Variants in NFIB observed in about 807,000 individuals in gnomAD.
NFIB encodes the protein nuclear factor I B.
In NFIB, 11 loss-of-function variants were observed where a neutral mutation model predicts 61.5. The observed-to-expected ratio is 0.18, with a 90% CI of 0.11 to 0.30. The LOEUF (loss-of-function observed/expected upper bound fraction) is 0.30, where lower values mean the gene tolerates loss of function less well. Ranked by LOEUF, NFIB falls within the 10% of genes least tolerant of loss-of-function variation. The probability of loss-of-function intolerance (pLI) is 1.00; values close to 1 mark genes in which losing one functional copy is unlikely to be tolerated. For missense variants in NFIB, 471 were observed against 608.9 expected (o/e 0.77, Z 2.38); for synonymous variants, 260 against 216.5 (o/e 1.20, Z -1.76).
the NFIB span, among the ~76,000 whole-genome samples, chr9:14,420,534 C>T: frequency 6.8e-6 from 1 of 146,226 alleles, no homozygotes. Flanking sequence ...CAAATATTTT[C>T]ATTCCTCCCA....
intron 2 of NFIB, among the ~76,000 whole-genome samples, chr9:14,201,250 T>C (rs926280330): frequency 1.3e-5 from 2 of 152,180 alleles, no homozygotes; most frequent in Non-Finnish European, 2.9e-5. Context: ...TGGCTTCCAA[T>C]TGCTAGCTAG....
intron 4 of NFIB, among the ~76,000 whole-genome samples, chr9:14,155,205 G>A (rs1366787586): frequency 6.6e-6 from 1 of 152,154 alleles, no homozygotes; most frequent in Non-Finnish European, 1.5e-5. Context: ...AGTTAATCAA[G>A]GTAACGTCCC....
intron 2 of NFIB, among the ~76,000 whole-genome samples, chr9:14,209,475 C>T (rs1382439136): frequency 6.6e-6 from 1 of 152,196 alleles, no homozygotes; most frequent in Non-Finnish European, 1.5e-5. Context: ...AGCCTCATAA[C>T]ACATTAATAA....
chr9:14,493,802 C>G, the NFIB span, among the ~76,000 whole-genome samples: 2 of 152,184 alleles, frequency 1.3e-5, no homozygotes, highest in African/African-American at 4.8e-5. Context: ...TCCTTCCTCC[C>G]TCCTTGTTCT....
intron 2 of NFIB, among the ~76,000 whole-genome samples, chr9:14,203,686 A>C (rs2049309878): frequency 6.6e-6 from 1 of 152,216 alleles, no homozygotes; most frequent in African/African-American, 2.4e-5. Context: ...GGCAGGGTCT[A>C]AAGTCTGTCT....
chr9:14,464,358 T>C, the NFIB span, among the ~76,000 whole-genome samples: 1 of 152,128 alleles, frequency 6.6e-6, no homozygotes, highest in African/African-American at 2.4e-5. Context: ...ATGACATAGA[T>C]ATATTTTATT....
chr9:14,294,219 C>T (rs1338053151), intron 2 of NFIB, among the ~76,000 whole-genome samples: 1 of 152,142 alleles, frequency 6.6e-6, no homozygotes, highest in African/African-American at 2.4e-5. Flanking sequence ...AGCAGCTTTT[C>T]CCTTATTTGG....
intron 2 of NFIB, among the ~76,000 whole-genome samples, chr9:14,289,487 A>C (rs1475125389): frequency 2.6e-5 from 4 of 151,786 alleles, no homozygotes; most frequent in Non-Finnish European, 4.4e-5. Context: ...TTGGTATACC[A>C]ATATTTGGTA....
chr9:14,181,627 AT>A (rs921908036), intron 2 of NFIB, among the ~76,000 whole-genome samples: 54 of 152,322 alleles, frequency 3.5e-4, no homozygotes, highest in Middle Eastern at 6.8e-3. Flanking sequence ...AGCATCAGCT[AT>A]TTTTACCTTG....
intron 2 of NFIB, among the ~76,000 whole-genome samples, chr9:14,295,713 T>A (rs1010893324): frequency 1.3e-5 from 2 of 152,194 alleles, no homozygotes; most frequent in African/African-American, 4.8e-5. Flanking sequence ...GAAACAAATC[T>A]AAAACGTAAG....
chr9:14,469,714 A>G, the NFIB span, among the ~76,000 whole-genome samples: 2 of 152,152 alleles, frequency 1.3e-5, no homozygotes, highest in East Asian at 1.9e-4. Context: ...TGACAAGAAC[A>G]TAATATCCAG....
chr9:14,100,918 T>C (rs528741308), intron 10 of NFIB, among the ~76,000 whole-genome samples: 23 of 152,198 alleles, frequency 1.5e-4, no homozygotes, highest in Non-Finnish European at 2.8e-4. Context: ...ATGGTAAGCT[T>C]GTACGCAGAC....
At chr9:14,148,244 G>A (rs950970252) in intron 5 of NFIB, among the ~76,000 whole-genome samples, 3 of 151,714 alleles carry the variant, frequency 2.0e-5, no homozygotes, top group Non-Finnish European at 2.9e-5. Context: ...TACCACAGCC[G>A]CCCAAATAGT....
chr9:14,336,134 TTA>T (rs1477514840), intron 1 of NFIB, among the ~76,000 whole-genome samples: 2 of 152,248 alleles, frequency 1.3e-5, no homozygotes, highest in African/African-American at 2.4e-5. Flanking sequence ...GCCTTCAATA[TTA>T]TCTTTGGATG....
chr9:14,424,937 A>T, the NFIB span, among the ~76,000 whole-genome samples: 78 of 152,272 alleles, frequency 5.1e-4, 1 homozygote, highest in Admixed American at 2.0e-3. Flanking sequence ...AATCGTGGCA[A>T]GAAAGGGTGG....
rs766064395 is a variant in NFIB at position 14,183,331 on chromosome 9, G to A, written c.563-3551C>T. Among the ~76,000 whole-genome samples the A allele has an allele frequency of 4.6e-4, 70 of 152,238 alleles. 1 individual carries two copies. Among genetic ancestry groups the A allele is most frequent in the Admixed American group, 4.6e-4 (7 of 15,292 alleles). On this transcript the variant is annotated intron_variant, in intron 2 of 10. Transcript: ENST00000380953. ...GATGAAAATTACCTTCCAGAAGGCTGAAGTCTTTGAGGAACAAGGCTGCTA... is the reference window on the plus strand; with the variant it reads ...GATGAAAATTACCTTCCAGAAGGCTAAAGTCTTTGAGGAACAAGGCTGCTA...
chr9:14,192,159 A>AT (rs1212609282), intron 2 of NFIB, among the ~76,000 whole-genome samples: 1 of 152,218 alleles, frequency 6.6e-6, no homozygotes, highest in Non-Finnish European at 1.5e-5. Context: ...TTCTAATCAG[A>AT]CAAGATCAAA....
chr9:14,146,574 A>G (rs2042297103), intron 6 of NFIB, 115 bp downstream of exon 6: 2 of 1,427,904 alleles, frequency 1.4e-6, no homozygotes, highest in South Asian at 2.5e-5. Flanking sequence ...GAATCATTTT[A>G]TGAAAAAAAT....
intron 2 of NFIB, among the ~76,000 whole-genome samples, chr9:14,191,460 G>C (rs777199209): frequency 1.3e-5 from 2 of 152,042 alleles, no homozygotes; most frequent in Non-Finnish European, 2.9e-5. Flanking sequence ...AATGATGACG[G>C]GCATGTTCAC....
Sources: gnomAD v4.1 joint callset for allele counts (sites outside exome capture counted in the v4.1 genomes callset) on GRCh38, gnomAD v4.1.1 for gene constraint, MANE v1.5 for transcripts, NCBI Gene and HGNC (gene_info 2026-07-23, HGNC 2026-07-21) for gene names.